Variants in SETD5 observed in about 807,000 individuals in gnomAD.
SETD5 encodes the protein SET domain containing 5, also known as histone-lysine N-methyltransferase SETD5.
Under a neutral mutation model 153.3 loss-of-function variants are expected in SETD5, and 44 were observed. That is an observed-to-expected ratio of 0.29 (90% CI 0.23 to 0.37). The LOEUF is 0.37. Among genes scored for constraint, SETD5 ranks in the 10% least tolerant of loss-of-function variants. The pLI is 1.00. For missense variants in SETD5, 1,544 were observed against 1,768.0 expected, an observed-to-expected ratio of 0.87 and a Z score of 2.27; for synonymous variants, 716 against 645.2, an observed-to-expected ratio of 1.11 and a Z score of -1.66.
intron 6 of SETD5, among the ~76,000 whole-genome samples, 160 bp from the exon 7 acceptor site, chr3:9,435,568 T>C (rs574501011): frequency 6.6e-6 from 1 of 152,372 alleles, no homozygotes; most frequent in African/African-American, 2.4e-5. Context: ...GAATCTTGTT[T>C]TCTTAAGGAA....
At chr3:9,461,407 T>G (rs1575555597) in intron 17 of SETD5, among the ~76,000 whole-genome samples, 1 of 152,184 alleles carries the variant, frequency 6.6e-6, no homozygotes, top group East Asian at 1.9e-4. Flanking sequence ...AGTGAAGCAA[T>G]GTCTCGATAA....
At chr3:9,407,811 A>T (rs1443831714) in intron 1 of SETD5, among the ~76,000 whole-genome samples, 1 of 152,012 alleles carries the variant, frequency 6.6e-6, no homozygotes, top group Non-Finnish European at 1.5e-5. Flanking sequence ...GAGCAGCCTG[A>T]CCAACATGGA....
chr3:9,398,532 C>T (rs1445331855), intron 1 of SETD5: 1 of 152,332 alleles, frequency 6.6e-6, no homozygotes, highest in Non-Finnish European at 1.5e-5. Context: ...CTTCGCCACC[C>T]CCACCACACG....
chr3:9,462,531 G>A (rs2044087302), intron 17 of SETD5, among the ~76,000 whole-genome samples: 1 of 149,824 alleles, frequency 6.7e-6, no homozygotes, highest in South Asian at 2.1e-4. Context: ...ACCTTGCAGT[G>A]AGCCGAGATC....
chr3:9,453,444 C>T (rs2042861321), intron 16 of SETD5, among the ~76,000 whole-genome samples: 1 of 152,066 alleles, frequency 6.6e-6, no homozygotes, highest in Admixed American at 6.6e-5. Flanking sequence ...TCAGTCTTGC[C>T]ATTTTACACC....
intron 7 of SETD5, among the ~76,000 whole-genome samples, chr3:9,436,430 T>C (rs1161278339): frequency 3.9e-5 from 6 of 152,264 alleles, no homozygotes; most frequent in Non-Finnish European, 2.9e-5. Context: ...GTTTGTGTTC[T>C]TTCTTCCCCA....
intron 1 of SETD5, among the ~76,000 whole-genome samples, chr3:9,415,802 G>C (rs543661033): frequency 1.8e-3 from 265 of 151,260 alleles, no homozygotes; most frequent in Non-Finnish European, 2.8e-3. Flanking sequence ...GGCCTCAAGT[G>C]ATTCTCCTAA....
At chr3:9,401,956 C>T (rs1391337079) in intron 1 of SETD5, among the ~76,000 whole-genome samples, 1 of 152,116 alleles carries the variant, frequency 6.6e-6, no homozygotes, top group Non-Finnish European at 1.5e-5. Context: ...CTTTCAAAGG[C>T]ACTCTTTAGA....
At position 9,447,853 on chromosome 3, in the gene SETD5, G is replaced by C; in HGVS notation, c.1950G>C (p.Glu650Asp). ...QAELSQAALE[E>D]GGSNSLVTPT... ...AATTGTCACAAGCTGCCTTGGAAGA[G>C]GGAGGAAGTAACAGTTTAGTAACTC... Residue 650 changes from glutamate (E) to aspartate (D), a missense_variant, in exon 15 of 23, where the codon GAG (glutamate) becomes GAC (aspartate). This residue lies in a region of SETD5 where 782 missense variants were observed against 787.2 expected (regional missense o/e 0.99). Transcript: ENST00000402198. The C allele has an allele frequency of 6.2e-7, 1 of 1,613,998 alleles. No homozygotes were observed. The highest frequency in any genetic ancestry group is 2.2e-5 in the East Asian group (1 of 44,874).
chr3:9,441,860 A>G lies in SETD5; in HGVS notation c.959+119A>G, dbSNP rs540609211. ...GGAGAAAAAAATCACAACTCAGATA[A>G]GCTCACACCTGTCTGCTATTTGTAG... On this transcript the variant is annotated intron_variant, in intron 9 of 22. Transcript: ENST00000402198. The G allele has an allele frequency of 2.3e-4, 278 of 1,218,584 alleles. 1 individual carries two copies. Among genetic ancestry groups the G allele is most frequent in the South Asian group, 6.2e-4 (48 of 77,872 alleles). The allele number at this position is 1,218,584 out of a possible 1,614,324, so 75.5% of individuals were successfully genotyped here.
rs1338916093 is a variant in SETD5, at chr3:9,442,224, A to G, written c.1056A>G (p.Arg352=). The change falls in exon 10 of 23, where the codon AGA becomes AGG. Residue 352 remains arginine, a synonymous_variant. Transcript: ENST00000402198. ...TFGNDARFIR[R]SCTPNAEVRH... is the part of the protein sequence containing the mutation. Reference sequence around the variant, plus strand: ...GTAATGATGCTCGGTTCATCAGAAGATCATGTACACCAAATGCAGAGGTAA... The same window carrying G: ...GTAATGATGCTCGGTTCATCAGAAGGTCATGTACACCAAATGCAGAGGTAA... 6.2e-7 allele frequency: 1 copy of G among 1,612,312 alleles called. No individual in the cohort carries two copies. Among genetic ancestry groups the G allele is most frequent in the East Asian group, 2.2e-5 (1 of 44,874 alleles).
At chr3:9,471,656 C>G (rs560931011) in intron 19 of SETD5, among the ~76,000 whole-genome samples, 1 of 152,222 alleles carries the variant, frequency 6.6e-6, no homozygotes, top group Non-Finnish European at 1.5e-5. Context: ...TGGGACTCCA[C>G]TTCCAAGTAA....
intron 7 of SETD5, among the ~76,000 whole-genome samples, chr3:9,437,545 G>GT (rs1266237224): frequency 6.6e-6 from 1 of 151,776 alleles, no homozygotes; most frequent in East Asian, 1.9e-4. Flanking sequence ...GTGTGTGTGT[G>GT]TGTGTATAAA....
chr3:9,433,286 A>C lies in SETD5; in HGVS notation c.72-559A>C, dbSNP rs1366599704. On this transcript the variant is annotated intron_variant, in intron 3 of 22. Transcript: ENST00000402198. The stretch of plus-strand genomic sequence containing the variant: ...TGGTGGATGAGAAATTATTACTCTA[A>C]TATTTGAAAGGTGTTGGGGGTTCAT... The C allele has an allele frequency of 9.8e-6, 9 of 917,296 alleles. No homozygotes were observed. In the Admixed American group the frequency reaches 2.5e-4, roughly 26 times the overall value. The allele number at this position is 917,296 out of a possible 1,614,324, so 56.8% of individuals were successfully genotyped here.
At chr3:9,466,395 A>G (rs897524944) in intron 18 of SETD5, among the ~76,000 whole-genome samples, 4 of 151,784 alleles carry the variant, frequency 2.6e-5, no homozygotes, top group Non-Finnish European at 5.9e-5. Context: ...TGGGATAACT[A>G]TTAAACACTG....
chr3:9,451,057 T>C (rs1042100158), intron 16 of SETD5, among the ~76,000 whole-genome samples: 20 of 152,324 alleles, frequency 1.3e-4, no homozygotes, highest in African/African-American at 4.8e-4. Context: ...AACAAGGCTC[T>C]CAGTAGTGTT....
At chr3:9,445,371 C>A (rs2041814782) in intron 12 of SETD5, 71 bp downstream of exon 12, 4 of 1,533,534 alleles carry the variant, frequency 2.6e-6, no homozygotes, top group Non-Finnish European at 3.5e-6. Flanking sequence ...CGGGTTGCCG[C>A]ATGGTTTAAG....
rs753060691 is a variant in SETD5 at position 9,428,955 on chromosome 3, C to G, written c.17C>G (p.Pro6Arg). 1.2e-6 allele frequency: 2 copies of G among 1,613,204 alleles called. No individual in the cohort carries two copies. Among genetic ancestry groups the G allele is most frequent in the South Asian group, 1.1e-5 (1 of 90,950 alleles). ...TTGGACGTCATGAGCATTGCAATCC[C>G]TCTGGGAGTCACCACATCAGATACA... MSIAI[P>R]LGVTTSDTSY... Residue 6 changes from proline (P) to arginine (R), a missense_variant, in exon 3 of 23, where the codon CCT (proline) becomes CGT (arginine). Pro to Arg is a moderately radical substitution (Grantham distance 103). Around this residue, in one of 9 missense-constraint regions of SETD5, gnomAD observed 251 missense variants for 326.9 expected, o/e 0.77. Coordinates refer to ENST00000402198, the MANE Select transcript of SETD5 (RefSeq NM_001080517.3).
intron 16 of SETD5, among the ~76,000 whole-genome samples, chr3:9,451,170 T>A (rs2042586363): frequency 6.6e-6 from 1 of 152,218 alleles, no homozygotes; most frequent in South Asian, 2.1e-4. Flanking sequence ...TGAAACAGTG[T>A]GCTTTGCATT....
Sources: allele counts gnomAD v4.1 joint callset (sites outside exome capture counted in the v4.1 genomes callset), GRCh38; gene constraint gnomAD v4.1.1; regional missense constraint gnomAD v4.1.1; transcripts MANE v1.5; gene names NCBI Gene and HGNC (gene_info 2026-07-23, HGNC 2026-07-21).